The following MUC4 variants were observed in gnomAD, a reference collection of about 807,000 sequenced individuals.
MUC4 encodes mucin 4, cell surface associated.
A neutral mutation model predicts 257.9 loss-of-function variants in MUC4; 202 were observed. The ratio of observed to expected loss-of-function variants is 0.78; its 90% CI spans 0.70 to 0.88. MUC4 has a LOEUF of 0.88. Ranked by LOEUF, MUC4 falls within the 40% of genes least tolerant of loss-of-function variation. The pLI is 0.00. For missense variants in MUC4, 5,976 were observed against 6,513.7 expected, an observed-to-expected ratio of 0.92 and a Z score of 2.84; for synonymous variants, 2,351 against 2,757.1, an observed-to-expected ratio of 0.85 and a Z score of 4.62.
At chr3:195,767,717 A>ACTG (rs1721447991) in intron 7 of MUC4, among the ~76,000 whole-genome samples, 6 of 4,940 alleles carry the variant, frequency 1.2e-3, no homozygotes, top group South Asian at 0.015. Context: ...ACCATCGGCC[A>ACTG]CCACCACCAT....
chr3:195,767,576 CCACCACCATCACCACCACCACCAT>C (rs1721154713), intron 7 of MUC4, among the ~76,000 whole-genome samples: 3 of 45,626 alleles, frequency 6.6e-5, no homozygotes, highest in African/African-American at 2.4e-4. Context: ...ACCACCATCA[CCACCACCATCACCACCACCACCAT>C]CATCACCATT....
rs2148789615 is a variant in MUC4 at position 195,759,173 on chromosome 3, C to T, written c.14937G>A (p.Glu4979=). The T allele has an allele frequency of 1.9e-6, 3 of 1,614,146 alleles. No homozygotes were observed. Among genetic ancestry groups the T allele is most frequent in the South Asian group, 1.1e-5 (1 of 91,080 alleles). ...TGTCTCTGAGCGTGAAGTTGGCATC[C>T]TCAGCATTGCTGGTGTACTGAATCA... The part of the protein sequence containing the change: ...TTLIQYTSNA[E]DANFTLRDSC... Residue 4979 remains glutamate (E), a synonymous_variant, in exon 17 of 25, where the codon GAG becomes GAA. Transcript: ENST00000463781.
At chr3:195,760,166 G>A (rs1718480161) in intron 16 of MUC4, among the ~76,000 whole-genome samples, 1 of 152,076 alleles carries the variant, frequency 6.6e-6, no homozygotes, top group Admixed American at 6.6e-5. Flanking sequence ...AGATACCTGT[G>A]AAAATTATAA....
At position 195,778,609 on chromosome 3, in the gene MUC4, T is replaced by C. The variant is rs139734297; in HGVS notation, c.12791-154A>G. 9.8e-4 allele frequency among the ~76,000 whole-genome samples: 149 copies of C among 152,334 alleles called. 1 individual carries two copies. Among genetic ancestry groups the C allele is most frequent in the African/African-American group, 3.4e-3 (142 of 41,590 alleles). ...AAACTACTCTCGACATCAGTGCTTT[T>C]CGATTGCGGCACAAAGGAGGGTGAG... On this transcript the variant is annotated intron_variant, in intron 2 of 24. Transcript: ENST00000463781.
chr3:195,752,271 T>C, intron 21 of MUC4, 102 bp downstream of exon 21: 3 of 1,137,002 alleles, frequency 2.6e-6, no homozygotes, highest in Non-Finnish European at 2.6e-6. Context: ...GGCAGTTGAA[T>C]CCAGATGGAT....
At chr3:195,800,051 G>T (rs1280919164) in intron 1 of MUC4, among the ~76,000 whole-genome samples, 1 of 152,268 alleles carries the variant, frequency 6.6e-6, no homozygotes, top group Admixed American at 6.5e-5. Context: ...GTCGAAGCGG[G>T]TGGATCATTT....
In MUC4 at chr3:195,785,958, A is replaced by G. The variant is rs781468806; in HGVS notation, c.5622T>C (p.Leu1874=). The change falls in exon 2 of 25, where the codon CTT becomes CTC. Residue 1874 remains leucine (L), a synonymous_variant. Coordinates refer to ENST00000463781, the MANE Select transcript of MUC4 (RefSeq NM_018406.7). ...TGGATACTGAGGAAGCGTCGGTGAC[A>G]AGAAGAGAGGTGGCGTGACCTGTGG... ...SVSTGHATSL[L]VTDASSVSTG... 2.0e-6 allele frequency: 3 copies of G among 1,506,396 alleles called. No homozygotes were observed. Among genetic ancestry groups the G allele is most frequent in the Admixed American group, 4.3e-5 (2 of 46,482 alleles). 93.3% of individuals were successfully genotyped at this position (1,506,396 alleles called of 1,614,324 possible). A position where few individuals can be genotyped will look rare whatever the true frequency, so the allele number is the denominator to read the frequency against.
At chr3:195,747,911 CT>C (rs1369721059) in intron 24 of MUC4, among the ~76,000 whole-genome samples, 1 of 152,264 alleles carries the variant, frequency 6.6e-6, no homozygotes, top group Non-Finnish European at 1.5e-5. Flanking sequence ...GTGCAGTCAG[CT>C]GCACCTGGGC....
intron 18 of MUC4, among the ~76,000 whole-genome samples, chr3:195,756,335 G>A (rs1560230139): frequency 6.6e-6 from 1 of 152,206 alleles, no homozygotes; most frequent in Non-Finnish European, 1.5e-5. Context: ...TCACGCCCAG[G>A]GACCCACAAC....
At chr3:195,773,772 C>A (rs972250346) in intron 4 of MUC4, among the ~76,000 whole-genome samples, 4 of 152,214 alleles carry the variant, frequency 2.6e-5, no homozygotes, top group African/African-American at 9.7e-5. Flanking sequence ...CCCTCTCCAT[C>A]GCTCAGTCGC....
At position 195,771,176 on chromosome 3, in the gene MUC4, G is replaced by GGGTA. The variant is rs1560273538; in HGVS notation, c.13242+475_13242+476insTACC. Among the ~76,000 whole-genome samples, 32 of 132,168 alleles carry GGGTA rather than the reference G, an allele frequency of 2.4e-4. 1 individual carries two copies. The highest frequency in any genetic ancestry group is 6.7e-4 in the African/African-American group (23 of 34,496). The allele number at this position is 132,168 out of a possible 152,430, so 86.7% of individuals were successfully genotyped here. On this transcript the variant is annotated intron_variant, in intron 5 of 24. Transcript: ENST00000463781. ...TGGGGTATTCCTGGTCAGTCTCGTGGTTGGGTTGGGGTATTCCTGGTCAGT... is the reference window on the plus strand; with the variant it reads ...TGGGGTATTCCTGGTCAGTCTCGTGGGGTATTGGGTTGGGGTATTCCTGGTCAGT...
chr3:195,760,478 G>A lies in MUC4; in HGVS notation c.14848+406C>T, dbSNP rs56137501. On this transcript the variant is annotated intron_variant, in intron 16 of 24. Transcript: ENST00000463781. ...GCAGGGAGCTGGGAAGGGGTCCAGCGCTAGGATGGAGTGGAGGGGGCTGGG... is the reference window on the plus strand; with the variant it reads ...GCAGGGAGCTGGGAAGGGGTCCAGCACTAGGATGGAGTGGAGGGGGCTGGG... Among the ~76,000 whole-genome samples the A allele has an allele frequency of 1.2e-3, 96 of 76,812 alleles. 7 individuals carry two copies. The highest frequency in any genetic ancestry group is 6.1e-3 in the Middle Eastern group (1 of 164). 50.4% of individuals were successfully genotyped at this position (76,812 alleles called of 152,430 possible).
rs747031355 is a variant in MUC4, at chr3:195,791,090, G to C, written c.490C>G (p.Pro164Ala). 1 of 1,613,482 alleles carries C rather than the reference G, an allele frequency of 6.2e-7. No homozygotes were observed. The highest frequency in any genetic ancestry group is 1.1e-5 in the South Asian group (1 of 91,046). ...TSTAGTESST[P>A]VTSAVSITAG... Reference sequence around the variant, plus strand: ...GTTATTGAGACTGCTGAGGTCACTGGGGTAGAACTTTCAGTTCCTGCTGTT... The same window carrying C: ...GTTATTGAGACTGCTGAGGTCACTGCGGTAGAACTTTCAGTTCCTGCTGTT... The change falls in exon 2 of 25, where the codon CCA becomes GCA. Residue 164 changes from proline to alanine, a missense_variant. Pro to Ala is a conservative substitution (Grantham distance 27). Coordinates refer to ENST00000463781, the MANE Select transcript of MUC4 (RefSeq NM_018406.7).
At chr3:195,811,333 C>T (rs1736710264) in intron 1 of MUC4, among the ~76,000 whole-genome samples, 1 of 151,952 alleles carries the variant, frequency 6.6e-6, no homozygotes, top group Non-Finnish European at 1.5e-5. Context: ...CCCACCACGA[C>T]CGGCTAATTT....
chr3:195,798,051 G>A (rs1305443069), intron 1 of MUC4, among the ~76,000 whole-genome samples: 2 of 152,166 alleles, frequency 1.3e-5, no homozygotes, highest in Admixed American at 6.6e-5. Context: ...CCAAGAGTTC[G>A]AGGCTGCAGT....
intron 1 of MUC4, among the ~76,000 whole-genome samples, chr3:195,802,518 G>A (rs1735474045): frequency 6.7e-6 from 1 of 150,350 alleles, no homozygotes; most frequent in Non-Finnish European, 1.5e-5. Context: ...GCCCTGGAAG[G>A]TGTCTGGTAG....
chr3:195,784,013 T>C lies in MUC4; in HGVS notation c.7567A>G (p.Thr2523Ala), dbSNP rs752490273. The change falls in exon 2 of 25, where the codon ACA becomes GCA. Residue 2523 changes from threonine (T) to alanine (A), a missense_variant. By Grantham distance (58) the Thr-to-Ala change is moderately conservative. Transcript: ENST00000463781. Reference sequence around the variant, plus strand: ...ACAGGAAGAGGGGTGGTGTCACCTGTGGATGCTGAGGGAGTGTCGGTGACA... The same window carrying C: ...ACAGGAAGAGGGGTGGTGTCACCTGCGGATGCTGAGGGAGTGTCGGTGACA... Reference protein sequence around the residue: ...LPVTDTPSASTGDTTPLPVTN... With the variant: ...LPVTDTPSASAGDTTPLPVTN... The C allele has an allele frequency of 1.3e-6, 2 of 1,522,108 alleles. No individual in the cohort carries two copies. Among genetic ancestry groups the C allele is most frequent in the South Asian group, 2.4e-5 (2 of 83,324 alleles). 94.3% of individuals were successfully genotyped at this position (1,522,108 alleles called of 1,614,324 possible). A position where few individuals can be genotyped will look rare whatever the true frequency, so the allele number is the denominator to read the frequency against.
In MUC4 at chr3:195,753,263, C is replaced by T. The variant is rs116384000; in HGVS notation, c.15329-33G>A. 6,015 of 1,606,028 alleles carry T rather than the reference C, an allele frequency of 3.7e-3. 25 individuals carry two copies. Among genetic ancestry groups the T allele is most frequent in the Middle Eastern group, 8.8e-3 (53 of 6,010 alleles). ...GTGAGTAGGGAGGTCAGCAGCAGCG[C>T]GCAGGGCAGCAGAGGGACGGCCCAG... On this transcript the variant is annotated intron_variant, in intron 19 of 24. Transcript: ENST00000463781.
At position 195,787,997 on chromosome 3, in the gene MUC4, T is replaced by C; in HGVS notation, c.3583A>G (p.Thr1195Ala). ...LPVTSPSSAS[T>A]GHATPLLVTD... is the part of the protein sequence containing the mutation. ...ACAAGAAGAGGGGTGGCGTGACCTG[T>C]GGATGCTGAGGAAGGGCTAGTGACA... The change falls in exon 2 of 25, where the codon ACA becomes GCA. Residue 1195 changes from threonine to alanine, a missense_variant. Thr to Ala is a moderately conservative substitution (Grantham distance 58). This residue lies in a region of MUC4 where 90 missense variants were observed against 106.2 expected (regional missense o/e 0.85). Transcript: ENST00000463781. 1 of 1,363,614 alleles carries C rather than the reference T, an allele frequency of 7.3e-7. No individual in the cohort carries two copies. The highest frequency in any genetic ancestry group is 2.7e-5 in the East Asian group (1 of 37,130). The allele number at this position is 1,363,614 out of a possible 1,614,324, so 84.5% of individuals were successfully genotyped here. A position where few individuals can be genotyped will look rare whatever the true frequency, so the allele number is the denominator to read the frequency against.
Sources: gnomAD v4.1 joint callset for allele counts (sites outside exome capture counted in the v4.1 genomes callset) on GRCh38, gnomAD v4.1.1 for gene constraint, gnomAD v4.1.1 regional missense constraint, MANE v1.5 for transcripts, NCBI Gene and HGNC (gene_info 2026-07-23, HGNC 2026-07-21) for gene names.